The following PTGFRN variants were observed in gnomAD, a reference collection of about 807,000 sequenced individuals.
PTGFRN encodes prostaglandin F2 receptor inhibitor, also known as prostaglandin F2 receptor negative regulator.
PTGFRN carries 35 observed loss-of-function variants against 83.2 expected under a neutral mutation model. That is an observed-to-expected ratio of 0.42 (90% CI 0.32 to 0.56). The LOEUF (loss-of-function observed/expected upper bound fraction) is 0.56. Ranked by LOEUF, PTGFRN falls within the 20% of genes least tolerant of loss-of-function variation. The pLI, the probability that PTGFRN is intolerant of heterozygous loss-of-function variation, is 0.11. For synonymous variants in PTGFRN, 519 were observed against 498.6 expected (o/e 1.04, Z -0.55); for missense variants, 1,051 against 1,179.5 (o/e 0.89, Z 1.60).
At chr1:116,937,974 G>T (rs1649964240) in intron 1 of PTGFRN, among the ~76,000 whole-genome samples, 1 of 152,160 alleles carries the variant, frequency 6.6e-6, no homozygotes, top group African/African-American at 2.4e-5. Flanking sequence ...GCACAAGAGG[G>T]TTAAGCACAA....
chr1:116,955,465 A>G (rs953614024), intron 4 of PTGFRN, among the ~76,000 whole-genome samples: 2 of 152,330 alleles, frequency 1.3e-5, no homozygotes, highest in South Asian at 2.1e-4. Context: ...CACCAGACAC[A>G]CACAGACACA....
In PTGFRN at chr1:116,969,167, G is replaced by A. The variant is rs960761500; in HGVS notation, c.2059+1837G>A. ...TTGCTTGTGTTTTTGCTATGTCTAA[G>A]AAATCACTGCCTAATCTAAGGCTGT... On this transcript the variant is annotated intron_variant, in intron 6 of 8. Transcript: ENST00000393203. Among the ~76,000 whole-genome samples, 34 of 149,454 alleles carry A rather than the reference G, an allele frequency of 2.3e-4. 1 individual carries two copies. Among genetic ancestry groups the A allele is most frequent in the Non-Finnish European group, 4.9e-4 (33 of 67,498 alleles).
At chr1:116,919,566 T>C (rs969423587) in intron 1 of PTGFRN, among the ~76,000 whole-genome samples, 1 of 152,134 alleles carries the variant, frequency 6.6e-6, no homozygotes, top group Non-Finnish European at 1.5e-5. Context: ...GATGAACTTA[T>C]TTAGGAGGCT....
chr1:116,962,667 G>A (rs969685362), intron 5 of PTGFRN, among the ~76,000 whole-genome samples: 4 of 152,068 alleles, frequency 2.6e-5, no homozygotes, highest in East Asian at 3.9e-4. Flanking sequence ...ACATTAGACC[G>A]TCTCCCTTCT....
intron 1 of PTGFRN, among the ~76,000 whole-genome samples, chr1:116,937,676 T>A (rs1404159273): frequency 1.3e-5 from 2 of 152,146 alleles, no homozygotes; most frequent in African/African-American, 2.4e-5. Context: ...AAGGATGCAG[T>A]CTCATGCTTG....
intron 1 of PTGFRN, among the ~76,000 whole-genome samples, chr1:116,912,927 C>T (rs58755065): frequency 0.037 from 5,568 of 152,260 alleles, 341 homozygotes; most frequent in African/African-American, 0.13. Context: ...CTAAGCCTAC[C>T]TACCATGATC....
At chr1:116,963,357 A>T (rs777023131) in intron 5 of PTGFRN, among the ~76,000 whole-genome samples, 3 of 152,140 alleles carry the variant, frequency 2.0e-5, no homozygotes, top group South Asian at 2.1e-4. Context: ...CTATTCTCCT[A>T]AAAGTAGAAA....
At chr1:116,947,346 A>G (rs550963319) in intron 3 of PTGFRN, among the ~76,000 whole-genome samples, 2 of 152,380 alleles carry the variant, frequency 1.3e-5, no homozygotes, top group South Asian at 2.1e-4. Flanking sequence ...ATTCAGGGAC[A>G]GAGAACCTGC....
At chr1:116,972,262 A>T (rs1313693141) in intron 6 of PTGFRN, among the ~76,000 whole-genome samples, 3 of 152,060 alleles carry the variant, frequency 2.0e-5, no homozygotes, top group Non-Finnish European at 4.4e-5. Context: ...CCCTTTCCCC[A>T]TTTCCTGGAA....
At position 116,989,990 on chromosome 1, in the gene PTGFRN, C is replaced by T. The variant is rs1331626674; in HGVS notation, c.*3023C>T. 6.6e-6 allele frequency: 1 copy of T among 152,568 alleles called. No homozygotes were observed. The highest frequency in any genetic ancestry group is 1.5e-5 in the Non-Finnish European group (1 of 68,020). The allele number at this position is 152,568 out of a possible 1,614,324, so 9.5% of individuals were successfully genotyped here. A position where few individuals can be genotyped will look rare whatever the true frequency, so the allele number is the denominator to read the frequency against. On this transcript the variant is annotated 3_prime_UTR_variant, in exon 9 of 9. Coordinates refer to ENST00000393203, the MANE Select transcript of PTGFRN (RefSeq NM_020440.4). ...TGACATCTGTGAGCCAAAGACTGAGCCTTTTTGGCAGGAATAATAAGCAAT... is the reference window on the plus strand; with the variant it reads ...TGACATCTGTGAGCCAAAGACTGAGTCTTTTTGGCAGGAATAATAAGCAAT...
At position 116,961,065 on chromosome 1, in the gene PTGFRN, T is replaced by C. The variant is rs983792619; in HGVS notation, c.1214-178T>C. 1.2e-4 allele frequency among the ~76,000 whole-genome samples: 19 copies of C among 152,174 alleles called. No homozygotes were observed. The highest frequency in any genetic ancestry group is 2.4e-4 in the Non-Finnish European group (16 of 68,012). ...ATGAGAAGCGGTGTTTTACAAGTTTTGCAAAAACACTGTTCTAGGATCCTA... is the reference window on the plus strand; with the variant it reads ...ATGAGAAGCGGTGTTTTACAAGTTTCGCAAAAACACTGTTCTAGGATCCTA... On this transcript the variant is annotated intron_variant, in intron 4 of 8. Coordinates refer to ENST00000393203, the MANE Select transcript of PTGFRN (RefSeq NM_020440.4). The surrounding 1 kb of genome is among the most constrained non-coding windows in gnomAD (Gnocchi z 5.4).
rs755413236 is a variant in PTGFRN at position 116,918,092 on chromosome 1, C to T, written c.49+7840C>T. Among the ~76,000 whole-genome samples the T allele has an allele frequency of 9.9e-5, 15 of 152,216 alleles. No homozygotes were observed. The highest frequency in any genetic ancestry group is 2.2e-4 in the Non-Finnish European group (15 of 68,046). ...TTATAATCCATCTTTCTCTTATTCA[C>T]ATTAGCTAAGAAGATTTTAATAGTT... On this transcript the variant is annotated intron_variant, in intron 1 of 8. Coordinates refer to ENST00000393203, the MANE Select transcript of PTGFRN (RefSeq NM_020440.4). The surrounding 1 kb of genome is among the most constrained non-coding windows in gnomAD (Gnocchi z 4.1).
chr1:116,965,746 A>G (rs1196824862), intron 5 of PTGFRN, among the ~76,000 whole-genome samples: 7 of 152,158 alleles, frequency 4.6e-5, no homozygotes, highest in Admixed American at 3.3e-4. Flanking sequence ...ACCATACCAT[A>G]TATTTTATTT....
chr1:116,985,456 T>C (rs1332335701), intron 8 of PTGFRN, among the ~76,000 whole-genome samples: 2 of 151,984 alleles, frequency 1.3e-5, no homozygotes, highest in Non-Finnish European at 2.9e-5. Flanking sequence ...CCCAGCACTT[T>C]GGGAGGCCGA....
intron 5 of PTGFRN, among the ~76,000 whole-genome samples, chr1:116,965,361 C>T (rs1473761424): frequency 6.6e-6 from 1 of 152,142 alleles, no homozygotes; most frequent in Non-Finnish European, 1.5e-5. Flanking sequence ...TGCAGTGGCA[C>T]CATCATAACT....
chr1:116,946,668 T>C (rs1292603446), intron 3 of PTGFRN, among the ~76,000 whole-genome samples: 1 of 152,230 alleles, frequency 6.6e-6, no homozygotes, highest in Non-Finnish European at 1.5e-5. Context: ...GGGTTCATAA[T>C]CTTTTTGTGC....
Position 116,986,796 on chromosome 1 carries a change from C to T in PTGFRN, c.2474-5C>T, listed in dbSNP as rs990151291. ...CTGGCTTCCCCTTTGATCTCTCCCT[C>T]CCAGTGCTGAACGCCTTCAAGTATC... On this transcript the variant is annotated splice_region_variant and splice_polypyrimidine_tract_variant and intron_variant, in intron 8 of 8. Transcript: ENST00000393203. The T allele has an allele frequency of 1.2e-6, 2 of 1,613,834 alleles. No individual in the cohort carries two copies. The highest frequency in any genetic ancestry group is 2.2e-5 in the East Asian group (1 of 44,880).
chr1:116,972,616 A>G (rs957534039), intron 6 of PTGFRN, among the ~76,000 whole-genome samples: 1 of 152,204 alleles, frequency 6.6e-6, no homozygotes, highest in African/African-American at 2.4e-5. Context: ...AAGTAGTAAT[A>G]CCTATATTCT....
intron 5 of PTGFRN, 90 bp from the exon 6 acceptor site, chr1:116,966,821 A>T: frequency 6.5e-6 from 9 of 1,379,076 alleles, no homozygotes; most frequent in Non-Finnish European, 8.8e-6. Context: ...TTGCAAATAC[A>T]TTTCTGTTTC....
Sources: gnomAD v4.1 joint callset for allele counts (sites outside exome capture counted in the v4.1 genomes callset) on GRCh38, gnomAD v4.1.1 for gene constraint, Gnocchi (gnomAD v3.1) non-coding constraint, MANE v1.5 for transcripts, NCBI Gene and HGNC (gene_info 2026-07-23, HGNC 2026-07-21) for gene names.